The following VPS26A variants were observed in gnomAD, a reference collection of about 807,000 sequenced individuals.
VPS26A encodes the protein VPS26 retromer complex component A.
In VPS26A, 22 loss-of-function variants were observed where a neutral mutation model predicts 42.4. The ratio of observed to expected loss-of-function variants is 0.52; its 90% CI spans 0.37 to 0.74. The LOEUF (loss-of-function observed/expected upper bound fraction) is 0.74, where lower values mean the gene tolerates loss of function less well. Ranked by LOEUF, VPS26A falls within the 30% of genes least tolerant of loss-of-function variation. VPS26A has a pLI of 0.00. For synonymous variants in VPS26A, 110 were observed against 123.5 expected, an observed-to-expected ratio of 0.89 and a Z score of 0.73; for missense variants, 276 against 379.2, an observed-to-expected ratio of 0.73 and a Z score of 2.26.
At chr10:69,138,970 T>G (rs1313299153) in intron 2 of VPS26A, among the ~76,000 whole-genome samples, 1 of 152,244 alleles carries the variant, frequency 6.6e-6, no homozygotes, top group Non-Finnish European at 1.5e-5. Flanking sequence ...CTCACATTTC[T>G]TAAATGTACC....
chr10:69,165,227 C>T (rs1841660658), intron 6 of VPS26A, among the ~76,000 whole-genome samples: 1 of 152,104 alleles, frequency 6.6e-6, no homozygotes, highest in African/African-American at 2.4e-5. Context: ...TGTGCCTGGC[C>T]TCATCGTCGG....
intron 2 of VPS26A, among the ~76,000 whole-genome samples, chr10:69,134,333 T>C (rs1208284194): frequency 6.6e-6 from 1 of 152,228 alleles, no homozygotes; most frequent in African/African-American, 2.4e-5. Flanking sequence ...GATGGCTTTC[T>C]TCATATCTTT....
chr10:69,146,689 A>G (rs1243515903), intron 2 of VPS26A, among the ~76,000 whole-genome samples: 1 of 152,044 alleles, frequency 6.6e-6, no homozygotes, highest in African/African-American at 2.4e-5. Context: ...TGCCTGACTT[A>G]TTTCATTTAG....
At position 69,126,548 on chromosome 10, in the gene VPS26A, A is replaced by G. The variant is rs1840657748; in HGVS notation, c.3+2268A>G. On this transcript the variant is annotated intron_variant, in intron 1 of 8. Transcript: ENST00000263559. The stretch of plus-strand genomic sequence containing the variant: ...CGCTGCTGTACTCCAGCCTGGCGAC[A>G]GAGTGAGACTCCGTCTCAAAAAAAA... Among the ~76,000 whole-genome samples, 3 of 145,076 alleles carry G rather than the reference A, an allele frequency of 2.1e-5. No individual in the cohort carries two copies. The South Asian group carries it at 6.7e-4, about 33-fold the overall frequency.
rs1841857617 is a variant in VPS26A at position 69,173,292 on chromosome 10, T to C, written c.*2023T>C. 6.6e-6 allele frequency among the ~76,000 whole-genome samples: 1 copy of C among 152,138 alleles called. No homozygotes were observed. The stretch of plus-strand genomic sequence containing the variant: ...TTTTAAAATAACCAGGCCCGGGTCC[T>C]ACTCTGACCAATAAAATAAGAATCT... On this transcript the variant is annotated 3_prime_UTR_variant, in exon 9 of 9. Transcript: ENST00000263559.
chr10:69,131,032 C>A (rs1840765119), intron 1 of VPS26A, among the ~76,000 whole-genome samples: 1 of 152,160 alleles, frequency 6.6e-6, no homozygotes, highest in Non-Finnish European at 1.5e-5. Context: ...GTTGCCCGGG[C>A]TAGAGCGCAG....
intron 5 of VPS26A, among the ~76,000 whole-genome samples, chr10:69,160,968 G>A (rs1841548885): frequency 6.6e-6 from 1 of 152,166 alleles, no homozygotes; most frequent in African/African-American, 2.4e-5. Context: ...TATGTTAGCT[G>A]CACTCTTGTA....
rs532044011 is a variant in VPS26A, at chr10:69,171,649, C to T, written c.*380C>T. ...TGATTATAAATCCTCTCTTTTCAGG[C>T]TAATGATTACCTCTTATTCTCTACA... On this transcript the variant is annotated 3_prime_UTR_variant, in exon 9 of 9. Transcript: ENST00000263559. The T allele has an allele frequency of 5.7e-5, 9 of 158,532 alleles. No individual in the cohort carries two copies. Among genetic ancestry groups the T allele is most frequent in the African/African-American group, 1.7e-4 (7 of 41,586 alleles). 9.8% of individuals were successfully genotyped at this position (158,532 alleles called of 1,614,324 possible).
chr10:69,130,450 G>C (rs1840750518), intron 1 of VPS26A, among the ~76,000 whole-genome samples: 1 of 152,238 alleles, frequency 6.6e-6, no homozygotes, highest in South Asian at 2.1e-4. Flanking sequence ...TGAAGAAAGA[G>C]CTCTGAACGT....
chr10:69,165,355 C>T (rs1482769321), intron 6 of VPS26A, among the ~76,000 whole-genome samples: 1 of 152,110 alleles, frequency 6.6e-6, no homozygotes, highest in African/African-American at 2.4e-5. Context: ...ATAAAATTCT[C>T]ACCCAAGGCA....
In VPS26A at chr10:69,172,418, A is replaced by T. The variant is rs1841836501; in HGVS notation, c.*1149A>T. The T allele has an allele frequency of 6.6e-6, 1 of 152,428 alleles. No homozygotes were observed. Among genetic ancestry groups the T allele is most frequent in the African/African-American group, 2.4e-5 (1 of 41,476 alleles). The allele number at this position is 152,428 out of a possible 1,614,324, so 9.4% of individuals were successfully genotyped here. On this transcript the variant is annotated 3_prime_UTR_variant, in exon 9 of 9. Transcript: ENST00000263559. ...ACACTAAATGTGGAGTGTAGGAACC[A>T]AAATGAAACCTGCTGTATGGAAACT... is the stretch of plus-strand genomic sequence containing the variant.
In VPS26A at chr10:69,153,512, A is replaced by ATT. The variant is rs34345019; in HGVS notation, c.154-2284_154-2283dup. On this transcript the variant is annotated intron_variant, in intron 2 of 8. Transcript: ENST00000263559. ...GCACACACGCCCCAATACCCAGCTAATTTTTTTTTTTTTTTTTAGTAGAGA... is the reference window on the plus strand; with the variant it reads ...GCACACACGCCCCAATACCCAGCTAATTTTTTTTTTTTTTTTTTTAGTAGAGA... 3.7e-3 allele frequency among the ~76,000 whole-genome samples: 510 copies of ATT among 139,310 alleles called. 3 individuals carry two copies. Among genetic ancestry groups the ATT allele is most frequent in the African/African-American group, 8.8e-3 (332 of 37,760 alleles). The allele number at this position is 139,310 out of a possible 152,430, so 91.4% of individuals were successfully genotyped here.
At chr10:69,135,408 C>G (rs1840883994) in intron 2 of VPS26A, among the ~76,000 whole-genome samples, 1 of 152,158 alleles carries the variant, frequency 6.6e-6, no homozygotes, top group South Asian at 2.1e-4. Flanking sequence ...AAAAGTAAAG[C>G]TACTCCAGTG....
chr10:69,160,092 AC>A (rs1267974000), intron 5 of VPS26A, among the ~76,000 whole-genome samples: 2 of 151,886 alleles, frequency 1.3e-5, no homozygotes, highest in Non-Finnish European at 2.9e-5. Flanking sequence ...AGGACCTGAA[AC>A]CACTGAAGCT....
At chr10:69,134,245 T>C (rs1840854857) in intron 2 of VPS26A, among the ~76,000 whole-genome samples, 1 of 152,242 alleles carries the variant, frequency 6.6e-6, no homozygotes, top group Non-Finnish European at 1.5e-5. Flanking sequence ...TCCGCATTAA[T>C]TGATATTTAT....
chr10:69,168,716 A>T (rs978782364), intron 8 of VPS26A, 85 bp downstream of exon 8: 2 of 1,481,772 alleles, frequency 1.3e-6, no homozygotes, highest in South Asian at 2.8e-5. Flanking sequence ...CACTGTACTG[A>T]GCGAGTGGGA....
chr10:69,139,639 T>G, intron 2 of VPS26A, among the ~76,000 whole-genome samples: 1 of 152,190 alleles, frequency 6.6e-6, no homozygotes, highest in East Asian at 1.9e-4. Context: ...CTGCATTGTC[T>G]TCTGGCATAG....
Sources: allele counts gnomAD v4.1 joint callset (sites outside exome capture counted in the v4.1 genomes callset), GRCh38; gene constraint gnomAD v4.1.1; transcripts MANE v1.5; gene names NCBI Gene and HGNC (gene_info 2026-07-23, HGNC 2026-07-21).